Variants in IFTAP observed in about 807,000 individuals in gnomAD.
The protein encoded by IFTAP is intraflagellar transport-associated protein.
In IFTAP, 19 loss-of-function variants were observed where a neutral mutation model predicts 19.4. That is an observed-to-expected ratio of 0.98 (90% CI 0.68 to 1.44). The LOEUF is 1.44. IFTAP is among the 40% of genes most tolerant of loss of function. The probability of loss-of-function intolerance (pLI) is 0.00; values close to 1 mark genes in which losing one functional copy is unlikely to be tolerated. For missense variants in IFTAP, 240 were observed against 253.6 expected (o/e 0.95, Z 0.36); for synonymous variants, 85 against 83.5 (o/e 1.02, Z -0.10).
At chr11:36,622,760 ACAT>A (rs1166463921) in intron 2 of IFTAP, among the ~76,000 whole-genome samples, 2 of 152,206 alleles carry the variant, frequency 1.3e-5, no homozygotes, top group Non-Finnish European at 2.9e-5. Flanking sequence ...AAAGAGAAAA[ACAT>A]CAAGGTTAAA....
At chr11:36,652,305 T>C (rs1853774565) in intron 5 of IFTAP, among the ~76,000 whole-genome samples, 1 of 152,216 alleles carries the variant, frequency 6.6e-6, no homozygotes, top group South Asian at 2.1e-4. Context: ...TTTTATTCTC[T>C]TTGAAGCAAT....
At chr11:36,641,332 A>C (rs1188139985) in intron 4 of IFTAP, among the ~76,000 whole-genome samples, 1 of 152,160 alleles carries the variant, frequency 6.6e-6, no homozygotes, top group African/African-American at 2.4e-5. Flanking sequence ...AAATATTGGA[A>C]CACTTGTCAG....
intron 2 of IFTAP, among the ~76,000 whole-genome samples, chr11:36,617,795 A>G (rs1852147251): frequency 1.3e-5 from 2 of 152,000 alleles, no homozygotes; most frequent in South Asian, 4.1e-4. Flanking sequence ...AGCTCAGGGA[A>G]CTGAAAGTCA....
chr11:36,624,592 A>G (rs1852436397), intron 2 of IFTAP, among the ~76,000 whole-genome samples: 1 of 152,208 alleles, frequency 6.6e-6, no homozygotes, highest in Admixed American at 6.5e-5. Flanking sequence ...CTAAACTGTT[A>G]CATGAGAGAG....
chr11:36,618,738 A>G (rs939611782), intron 2 of IFTAP, among the ~76,000 whole-genome samples: 1 of 152,050 alleles, frequency 6.6e-6, no homozygotes, highest in South Asian at 2.1e-4. Context: ...TTGATATACT[A>G]TGTAATTGGG....
chr11:36,623,777 C>G (rs1852398056), intron 2 of IFTAP, among the ~76,000 whole-genome samples: 1 of 152,132 alleles, frequency 6.6e-6, no homozygotes, highest in Non-Finnish European at 1.5e-5. Flanking sequence ...TCAGGAAATG[C>G]CCCTCCAATC....
chr11:36,646,047 T>A (rs1023403571), intron 4 of IFTAP, among the ~76,000 whole-genome samples: 2 of 152,098 alleles, frequency 1.3e-5, no homozygotes, highest in African/African-American at 4.8e-5. Flanking sequence ...GAATACTGAG[T>A]CTTGTTATTT....
intron 5 of IFTAP, among the ~76,000 whole-genome samples, chr11:36,654,803 A>G (rs1167783326): frequency 6.6e-6 from 1 of 151,712 alleles, no homozygotes; most frequent in African/African-American, 2.4e-5. Context: ...TTCACTTTCT[A>G]CGGATTTTTC....
chr11:36,646,392 C>T (rs975753070), intron 4 of IFTAP, among the ~76,000 whole-genome samples: 1 of 152,130 alleles, frequency 6.6e-6, no homozygotes, highest in Non-Finnish European at 1.5e-5. Context: ...GGCTGTTACA[C>T]GAGGACGCTC....
intron 4 of IFTAP, among the ~76,000 whole-genome samples, chr11:36,638,766 A>C (rs917281904): frequency 6.6e-6 from 1 of 152,234 alleles, no homozygotes; most frequent in African/African-American, 2.4e-5. Flanking sequence ...TGCTTGGGGC[A>C]ACAAGGAAGT....
chr11:36,641,534 C>G (rs940666889), intron 4 of IFTAP, among the ~76,000 whole-genome samples: 1 of 152,168 alleles, frequency 6.6e-6, no homozygotes, highest in Non-Finnish European at 1.5e-5. Flanking sequence ...GTTATGTAGC[C>G]AGTACTCATT....
At chr11:36,633,033 G>C (rs1852787773) in intron 2 of IFTAP, among the ~76,000 whole-genome samples, 1 of 151,090 alleles carries the variant, frequency 6.6e-6, no homozygotes, top group South Asian at 2.1e-4. Flanking sequence ...CTTTTTAACA[G>C]CGACCAAGAA....
At chr11:36,637,096 G>C (rs1852984920) in intron 4 of IFTAP, among the ~76,000 whole-genome samples, 1 of 152,198 alleles carries the variant, frequency 6.6e-6, no homozygotes, top group Non-Finnish European at 1.5e-5. Flanking sequence ...CATTAGTGTT[G>C]GGGGAGGATG....
chr11:36,612,136 G>A (rs1342513566), intron 2 of IFTAP, among the ~76,000 whole-genome samples: 1 of 152,026 alleles, frequency 6.6e-6, no homozygotes, highest in Non-Finnish European at 1.5e-5. Flanking sequence ...TTCTGTTTTC[G>A]AATTCCAGTA....
intron 4 of IFTAP, among the ~76,000 whole-genome samples, chr11:36,641,258 AG>A (rs1204823151): frequency 6.6e-6 from 1 of 152,172 alleles, no homozygotes; most frequent in East Asian, 1.9e-4. Context: ...TTTAGAAAAT[AG>A]ATTTTTAATA....
chr11:36,605,867 A>G (rs960370767), intron 1 of IFTAP, among the ~76,000 whole-genome samples: 1 of 152,216 alleles, frequency 6.6e-6, no homozygotes, highest in East Asian at 1.9e-4. Context: ...TCTGTTATCT[A>G]GGCAAGTGTC....
At chr11:36,654,878 G>A (rs2133545799) in intron 5 of IFTAP, among the ~76,000 whole-genome samples, 1 of 152,064 alleles carries the variant, frequency 6.6e-6, no homozygotes, top group East Asian at 1.9e-4. Context: ...AGGTTCCTGA[G>A]TACTCTTCTG....
chr11:36,617,782 T>C (rs1001933552), intron 2 of IFTAP, among the ~76,000 whole-genome samples: 1 of 151,968 alleles, frequency 6.6e-6, no homozygotes, highest in African/African-American at 2.4e-5. Flanking sequence ...TCTTCCTTTT[T>C]ATAGCTCAGG....
intron 1 of IFTAP, among the ~76,000 whole-genome samples, chr11:36,608,887 T>C (rs1215027611): frequency 6.6e-6 from 1 of 152,190 alleles, no homozygotes; most frequent in Admixed American, 6.5e-5. Context: ...GGTGAAATAA[T>C]TGAGCAAGTA....
Sources: gnomAD v4.1 joint callset for allele counts (sites outside exome capture counted in the v4.1 genomes callset) on GRCh38, gnomAD v4.1.1 for gene constraint, MANE v1.5 for transcripts, NCBI Gene and HGNC (gene_info 2026-07-23, HGNC 2026-07-21) for gene names.